The following CTH variants were observed in gnomAD, a reference collection of about 807,000 sequenced individuals.
CTH encodes the protein cystathionase (cystathionine gamma-lyase).
CTH carries 41 observed loss-of-function variants against 50.6 expected under a neutral mutation model. That is an observed-to-expected ratio of 0.81 (90% CI 0.63 to 1.05). The LOEUF is 1.05. Among genes scored for constraint, CTH ranks in the 50% least tolerant of loss-of-function variants. The pLI is 0.00. For synonymous variants in CTH, 156 were observed against 168.9 expected (o/e 0.92, Z 0.59); for missense variants, 470 against 492.6 (o/e 0.95, Z 0.43).
At chr1:70,438,656 G>A (rs1449446916) in intron 10 of CTH, 32 bp from the exon 11 acceptor site, 1 of 1,613,460 alleles carries the variant, frequency 6.2e-7, no homozygotes, top group South Asian at 1.1e-5. Context: ...ACACAATATA[G>A]TGATCAAAAA....
At position 70,411,350 on chromosome 1, in the gene CTH, G is replaced by A. The variant is rs1366002144; in HGVS notation, c.-66G>A. On this transcript the variant is annotated 5_prime_UTR_variant, in exon 1 of 12. Transcript: ENST00000370938. ...GATCCTTCTGTCTCTCCCAACCCCG[G>A]ACACCCGGCTTCGACTGGTTATATC... 2.6e-6 allele frequency: 4 copies of A among 1,563,470 alleles called. No individual in the cohort carries two copies. Among genetic ancestry groups the A allele is most frequent in the South Asian group, 1.1e-5 (1 of 89,898 alleles).
At chr1:70,435,479 G>A (rs1015780768) in intron 10 of CTH, among the ~76,000 whole-genome samples, 4 of 152,018 alleles carry the variant, frequency 2.6e-5, no homozygotes, top group African/African-American at 7.3e-5. Context: ...AGGGCCACAT[G>A]TTCTACCCTA....
chr1:70,424,294 A>T lies in CTH; in HGVS notation c.466A>T (p.Ile156Phe), dbSNP rs892488732. The change falls in exon 5 of 12, where the codon ATC becomes TTC. Residue 156 changes from isoleucine to phenylalanine, a missense_variant. Physicochemically the swap from Ile to Phe is conservative, Grantham distance 21. Transcript: ENST00000370938. ...TGCTGAATTATTTTAGCTTGTTTGG[A>T]TCGAAACCCCCACAAACCCCACCCA... ...AITPETKLVW[I>F]ETPTNPTQKV... is the part of the protein sequence containing the mutation. The T allele has an allele frequency of 1.1e-5, 17 of 1,614,052 alleles. No homozygotes were observed. The highest frequency in any genetic ancestry group is 1.4e-5 in the Non-Finnish European group (17 of 1,179,982).
chr1:70,424,380 G>C lies in CTH; in HGVS notation c.552G>C (p.Leu184Phe), dbSNP rs1163181879. The C allele has an allele frequency of 7.4e-6, 12 of 1,613,892 alleles. No homozygotes were observed. The highest frequency in any genetic ancestry group is 1.0e-5 in the Non-Finnish European group (12 of 1,179,992). The change falls in exon 5 of 12, where the codon TTG becomes TTC. Residue 184 changes from leucine (L) to phenylalanine (F), a missense_variant. Physicochemically the swap from Leu to Phe is conservative, Grantham distance 22. Transcript: ENST00000370938. ...HIVHKHGDII[L>F]VVDNTFMSPY... Reference sequence around the variant, plus strand: ...TCCATAAGCATGGAGACATTATTTTGGTCGTGGATAACACTTTTATGTCAC... The same window carrying C: ...TCCATAAGCATGGAGACATTATTTTCGTCGTGGATAACACTTTTATGTCAC...
intron 8 of CTH, among the ~76,000 whole-genome samples, chr1:70,433,218 C>T (rs1483840790): frequency 2.6e-5 from 4 of 151,902 alleles, no homozygotes; most frequent in African/African-American, 9.7e-5. Context: ...AGGAAATTCA[C>T]AAGGAATTTA....
intron 3 of CTH, among the ~76,000 whole-genome samples, chr1:70,418,532 G>A (rs927752529): frequency 8.5e-5 from 13 of 152,170 alleles, no homozygotes; most frequent in African/African-American, 2.2e-4. Context: ...TTACGGGCGC[G>A]AGCCGCCTCA....
At chr1:70,418,422 G>A (rs915899345) in intron 3 of CTH, among the ~76,000 whole-genome samples, 1 of 152,040 alleles carries the variant, frequency 6.6e-6, no homozygotes, top group African/African-American at 2.4e-5. Context: ...ACTAATTTTT[G>A]TATTTTTTGT....
intron 10 of CTH, among the ~76,000 whole-genome samples, chr1:70,436,181 G>A (rs1026133897): frequency 2.6e-5 from 4 of 151,726 alleles, no homozygotes; most frequent in Non-Finnish European, 4.4e-5. Context: ...GTGTGGTGGT[G>A]TACACCTATA....
At chr1:70,419,004 G>A (rs1253931802) in intron 3 of CTH, among the ~76,000 whole-genome samples, 1 of 121,792 alleles carries the variant, frequency 8.2e-6, no homozygotes, top group East Asian at 2.4e-4. Flanking sequence ...TCCCTGGTGT[G>A]TGATGTTCCC....
At chr1:70,415,367 G>A (rs1037718988) in intron 1 of CTH, among the ~76,000 whole-genome samples, 1 of 151,780 alleles carries the variant, frequency 6.6e-6, no homozygotes, top group African/African-American at 2.4e-5. Context: ...TTGCCCCACC[G>A]TACTCTAGCC....
intron 2 of CTH, among the ~76,000 whole-genome samples, chr1:70,417,053 G>A (rs1684108898): frequency 6.6e-6 from 1 of 152,006 alleles, no homozygotes; most frequent in African/African-American, 2.4e-5. Flanking sequence ...TAGCACTAAA[G>A]TTATTTTCAG....
At chr1:70,432,809 G>T (rs1458730222) in intron 8 of CTH, among the ~76,000 whole-genome samples, 2 of 150,932 alleles carry the variant, frequency 1.3e-5, no homozygotes, top group Non-Finnish European at 2.9e-5. Context: ...TCAGCCTCCC[G>T]AGTAGCTGGG....
Position 70,421,593 on chromosome 1 carries a change from C to T in CTH, c.374C>T (p.Ala125Val), listed in dbSNP as rs1410542099. Residue 125 changes from alanine to valine, a missense_variant, in exon 4 of 12, where the codon GCA becomes GTA. Transcript: ENST00000370938. ...GGTNRYFRQV[A>V]SEFGLKISFV... ...ACAAACAGGTACTTCAGGCAAGTGG[C>T]ATCTGAATTTGGATTAAAGATTTCT... is the stretch of plus-strand genomic sequence containing the variant. 6.2e-7 allele frequency: 1 copy of T among 1,613,890 alleles called. No individual in the cohort carries two copies. Among genetic ancestry groups the T allele is most frequent in the Non-Finnish European group, 8.5e-7 (1 of 1,179,896 alleles).
At chr1:70,416,094 A>G in intron 2 of CTH, 57 bp downstream of exon 2, 1 of 1,009,366 alleles carries the variant, frequency 9.9e-7, no homozygotes, top group Non-Finnish European at 1.6e-6. Context: ...AGAGAAAACC[A>G]TAGAGGCACA....
chr1:70,433,715 T>C (rs1684531329), intron 8 of CTH, 113 bp from the exon 9 acceptor site: 4 of 1,491,254 alleles, frequency 2.7e-6, no homozygotes, highest in Non-Finnish European at 3.7e-6. Context: ...CATGGCATAA[T>C]CCTCGTCTTA....
chr1:70,424,255 A>C (rs1348348570), intron 4 of CTH, 30 bp from the exon 5 acceptor site: 1 of 1,613,910 alleles, frequency 6.2e-7, no homozygotes. Flanking sequence ...ATATTTTTAC[A>C]AACTACTGTT....
intron 10 of CTH, among the ~76,000 whole-genome samples, chr1:70,437,848 A>G (rs1684630310): frequency 6.6e-6 from 1 of 152,168 alleles, no homozygotes; most frequent in Non-Finnish European, 1.5e-5. Context: ...TGTAATACAC[A>G]TACTGGGGTT....
At chr1:70,428,523 GA>G (rs1684396644) in intron 5 of CTH, among the ~76,000 whole-genome samples, 1 of 152,090 alleles carries the variant, frequency 6.6e-6, no homozygotes, top group African/African-American at 2.4e-5. Context: ...TAATTTACAG[GA>G]AAATTGGGTG....
At chr1:70,422,836 T>C (rs1684255912) in intron 4 of CTH, among the ~76,000 whole-genome samples, 1 of 152,056 alleles carries the variant, frequency 6.6e-6, no homozygotes, top group South Asian at 2.1e-4. Context: ...GATCTTGAAC[T>C]CCTGACCTTG....
Sources: gnomAD v4.1 joint callset for allele counts (sites outside exome capture counted in the v4.1 genomes callset) on GRCh38, gnomAD v4.1.1 for gene constraint, MANE v1.5 for transcripts, NCBI Gene and HGNC (gene_info 2026-07-23, HGNC 2026-07-21) for gene names.